The following MAN1A1 variants were observed in gnomAD, a reference collection of about 807,000 sequenced individuals.
MAN1A1 encodes mannosidase alpha class 1A member 1.
Under a neutral mutation model 70.8 loss-of-function variants are expected in MAN1A1, and 29 were observed. The ratio of observed to expected loss-of-function variants is 0.41; its 90% confidence interval spans 0.31 to 0.56. MAN1A1 has a LOEUF of 0.56. Ranked by LOEUF, MAN1A1 falls within the 20% of genes least tolerant of loss-of-function variation. The pLI, the probability that MAN1A1 is intolerant of heterozygous loss-of-function variation, is 0.29. For missense variants in MAN1A1, 747 were observed against 841.3 expected (o/e 0.89, Z 1.39); for synonymous variants, 349 against 330.1 (o/e 1.06, Z -0.62).
intron 2 of MAN1A1, among the ~76,000 whole-genome samples, chr6:119,340,695 C>T (rs1034049274): frequency 6.6e-6 from 1 of 152,200 alleles, no homozygotes; most frequent in Admixed American, 6.6e-5. Flanking sequence ...TGGTGTCCTT[C>T]ATCAGGTTTT....
chr6:119,329,946 C>T (rs894879066), intron 2 of MAN1A1, among the ~76,000 whole-genome samples: 1 of 152,170 alleles, frequency 6.6e-6, no homozygotes, highest in African/African-American at 2.4e-5. Context: ...GCATTTGACA[C>T]TGCTGAGACT....
At chr6:119,259,650 T>G (rs1775553543) in intron 5 of MAN1A1, among the ~76,000 whole-genome samples, 1 of 152,174 alleles carries the variant, frequency 6.6e-6, no homozygotes, top group Admixed American at 6.5e-5. Context: ...AGCTGACAGA[T>G]GAGCATTTTA....
intron 2 of MAN1A1, among the ~76,000 whole-genome samples, chr6:119,325,354 C>CA (rs773908859): frequency 2.6e-5 from 4 of 152,154 alleles, no homozygotes; most frequent in Non-Finnish European, 5.9e-5. Flanking sequence ...AATTATTTTT[C>CA]ATTCAAGATT....
rs1773040137 is a variant in MAN1A1 at position 119,177,586 on chromosome 6, GT to G, written c.*2232del. On this transcript the variant is annotated 3_prime_UTR_variant, in exon 13 of 13. Coordinates refer to ENST00000368468, the MANE Select transcript of MAN1A1 (RefSeq NM_005907.4). The stretch of plus-strand genomic sequence containing the variant: ...AATAAGTTTCAACAATAAGACTTCA[GT>G]TGTTAAAATTAACCCAAAATATAAC... 2 of 152,048 alleles carry G rather than the reference GT, an allele frequency of 1.3e-5. No homozygotes were observed. Among genetic ancestry groups the G allele is most frequent in the Non-Finnish European group, 2.9e-5 (2 of 67,946 alleles). The allele number at this position is 152,048 out of a possible 1,614,324, so 9.4% of individuals were successfully genotyped here.
At chr6:119,285,645 C>G (rs1326169285) in intron 5 of MAN1A1, among the ~76,000 whole-genome samples, 1 of 145,644 alleles carries the variant, frequency 6.9e-6, no homozygotes, top group Non-Finnish European at 1.5e-5. Context: ...TTGTTGATAT[C>G]TCTACTTTCT....
intron 2 of MAN1A1, among the ~76,000 whole-genome samples, chr6:119,316,662 TCA>T (rs1181940541): frequency 1.3e-5 from 2 of 152,164 alleles, no homozygotes; most frequent in African/African-American, 2.4e-5. Context: ...CTTCAAATTT[TCA>T]CATTTTAATT....
chr6:119,316,936 T>TTTA (rs200298446), intron 2 of MAN1A1, among the ~76,000 whole-genome samples: 5 of 150,654 alleles, frequency 3.3e-5, no homozygotes, highest in Admixed American at 2.6e-4. Context: ...ATTACATTTT[T>TTTA]TTATTATTAT....
At chr6:119,332,123 A>G (rs1187529975) in intron 2 of MAN1A1, 2 of 298,760 alleles carry the variant, frequency 6.7e-6, no homozygotes, top group African/African-American at 4.5e-5. Flanking sequence ...AGTATCTAAT[A>G]GGAAGTGAAC....
At chr6:119,240,441 A>G (rs1774972487) in intron 6 of MAN1A1, among the ~76,000 whole-genome samples, 2 of 152,148 alleles carry the variant, frequency 1.3e-5, no homozygotes, top group Admixed American at 6.6e-5. Context: ...CAGGAGCCTG[A>G]GCAGATGGAA....
intron 2 of MAN1A1, among the ~76,000 whole-genome samples, chr6:119,312,847 T>G (rs776245000): frequency 6.6e-6 from 1 of 152,228 alleles, no homozygotes; most frequent in Non-Finnish European, 1.5e-5. Flanking sequence ...CTCTCTATAC[T>G]TTCTGTTCAA....
chr6:119,343,917 C>G (rs1005154397), intron 2 of MAN1A1, among the ~76,000 whole-genome samples: 2 of 152,200 alleles, frequency 1.3e-5, no homozygotes, highest in Non-Finnish European at 2.9e-5. Flanking sequence ...CAGCCCTCAT[C>G]CCTCACACGG....
intron 4 of MAN1A1, among the ~76,000 whole-genome samples, chr6:119,292,979 C>T (rs1355270273): frequency 7.7e-6 from 1 of 129,814 alleles, no homozygotes; most frequent in Admixed American, 7.3e-5. Flanking sequence ...ATAATAAAAT[C>T]TAATAAACTT....
intron 11 of MAN1A1, among the ~76,000 whole-genome samples, chr6:119,187,804 C>T (rs986079194): frequency 2.6e-5 from 4 of 152,146 alleles, no homozygotes; most frequent in Admixed American, 1.3e-4. Flanking sequence ...AAAGCATTCA[C>T]TAGATTGGTT....
intron 2 of MAN1A1, among the ~76,000 whole-genome samples, chr6:119,326,194 G>A (rs1327827295): frequency 1.3e-5 from 2 of 152,152 alleles, no homozygotes; most frequent in Non-Finnish European, 2.9e-5. Flanking sequence ...CTGCTCCCAC[G>A]TATACCTGTG....
At chr6:119,338,161 A>C (rs1325786683) in intron 2 of MAN1A1, among the ~76,000 whole-genome samples, 1 of 152,098 alleles carries the variant, frequency 6.6e-6, no homozygotes, top group Non-Finnish European at 1.5e-5. Context: ...AATATAGTAC[A>C]TTTATGTCAA....
At chr6:119,193,629 C>T (rs994125603) in intron 9 of MAN1A1, 148 bp downstream of exon 9, 34 of 504,446 alleles carry the variant, frequency 6.7e-5, no homozygotes, top group East Asian at 4.8e-4. Context: ...ACCATTATTA[C>T]GATGATATTA....
chr6:119,274,275 CCTGT>C (rs1775996854), intron 5 of MAN1A1, among the ~76,000 whole-genome samples: 2 of 152,130 alleles, frequency 1.3e-5, no homozygotes, highest in South Asian at 4.1e-4. Context: ...TCTGAGCAAT[CCTGT>C]CTTACTTTTT....
intron 3 of MAN1A1, among the ~76,000 whole-genome samples, chr6:119,305,788 T>G (rs1300819329): frequency 2.6e-5 from 4 of 152,166 alleles, no homozygotes; most frequent in Non-Finnish European, 5.9e-5. Context: ...TAAAGACCTG[T>G]GCAAAGACTC....
intron 8 of MAN1A1, among the ~76,000 whole-genome samples, chr6:119,194,623 CTAT>C (rs1773520039): frequency 6.6e-6 from 1 of 152,108 alleles, no homozygotes; most frequent in Admixed American, 6.5e-5. Flanking sequence ...TGTGCTCAGC[CTAT>C]TATTATTTGA....
Sources: allele counts gnomAD v4.1 joint callset (sites outside exome capture counted in the v4.1 genomes callset), GRCh38; gene constraint gnomAD v4.1.1; transcripts MANE v1.5; gene names NCBI Gene and HGNC (gene_info 2026-07-23, HGNC 2026-07-21).